Variants in PSD3 observed in about 807,000 individuals in gnomAD.
The protein encoded by PSD3 is PH and SEC7 domain-containing protein 3.
A neutral mutation model predicts 105.5 loss-of-function variants in PSD3; 49 were observed. The ratio of observed to expected loss-of-function variants is 0.46; its 90% CI spans 0.37 to 0.59. The LOEUF (loss-of-function observed/expected upper bound fraction) is 0.59. PSD3 is among the 20% of genes least tolerant of loss of function. The pLI is 0.00. For synonymous variants in PSD3, 557 were observed against 457.8 expected (o/e 1.22, Z -2.77); for missense variants, 1,561 against 1,263.8 (o/e 1.24, Z -3.57).
intron 14 of PSD3, among the ~76,000 whole-genome samples, chr8:18,564,965 C>T (rs1354283573): frequency 6.6e-6 from 1 of 152,048 alleles, no homozygotes; most frequent in African/African-American, 2.4e-5. Flanking sequence ...GGTTGGAATT[C>T]TAAGAAAAAA....
In PSD3 at chr8:18,902,697, T is replaced by A. The variant is rs531616679; in HGVS notation, c.131-29964A>T. On this transcript the variant is annotated intron_variant, in intron 2 of 15. Transcript: ENST00000327040. ...TTTGACCTTCAGTAGGGTTTTACTG[T>A]GCTGGTTGGAAAGAATGTGGTAACT... Among the ~76,000 whole-genome samples, 9 of 152,306 alleles carry A rather than the reference T, an allele frequency of 5.9e-5. No homozygotes were observed. In the South Asian group the frequency reaches 1.7e-3, roughly 28 times the overall value.
chr8:18,966,957 T>C (rs1824296511), intron 1 of PSD3, among the ~76,000 whole-genome samples: 1 of 152,114 alleles, frequency 6.6e-6, no homozygotes. Flanking sequence ...TGCTATTAAG[T>C]GTAGTTCAGG....
chr8:18,876,093 A>AT (rs1222687216), intron 2 of PSD3, among the ~76,000 whole-genome samples: 1 of 151,896 alleles, frequency 6.6e-6, no homozygotes, highest in Non-Finnish European at 1.5e-5. Flanking sequence ...TTATTTTATT[A>AT]TTTTTTACAT....
chr8:18,717,527 TA>T (rs931500268), intron 9 of PSD3, among the ~76,000 whole-genome samples: 10 of 151,236 alleles, frequency 6.6e-5, no homozygotes, highest in African/African-American at 1.9e-4. Flanking sequence ...TTGCTCCAGT[TA>T]AAAAAAAACC....
rs138652482 is a variant in PSD3 at position 18,624,879 on chromosome 8, T to C, written c.2410+7734A>G. Among the ~76,000 whole-genome samples, 1,227 of 152,162 alleles carry C rather than the reference T, an allele frequency of 8.1e-3. 16 individuals carry two copies. The highest frequency in any genetic ancestry group is 0.028 in the African/African-American group (1,163 of 41,520). ...ACATATCAATTTTTTTTTACTGTTT[T>C]TGTAAATATGTATGTATATACGTAT... On this transcript the variant is annotated intron_variant, in intron 11 of 15. Transcript: ENST00000327040.
chr8:18,979,625 T>G (rs1048739014), intron 1 of PSD3: 1 of 152,700 alleles, frequency 6.5e-6, no homozygotes, highest in Admixed American at 6.5e-5. Context: ...AATATATTCT[T>G]CTTGTTAGAG....
At chr8:18,808,983 A>C in intron 4 of PSD3, 1 of 1,355,994 alleles carries the variant, frequency 7.4e-7, no homozygotes. Context: ...TGCAGTTCTA[A>C]TAAAAACAGC....
intron 8 of PSD3, among the ~76,000 whole-genome samples, chr8:18,781,515 G>A (rs923933479): frequency 6.6e-6 from 1 of 152,128 alleles, no homozygotes; most frequent in Non-Finnish European, 1.5e-5. Context: ...TGGGGGTAGG[G>A]TTGTATAGAC....
intron 1 of PSD3, among the ~76,000 whole-genome samples, chr8:19,068,941 A>G (rs898735393): frequency 2.0e-5 from 3 of 151,916 alleles, no homozygotes; most frequent in Non-Finnish European, 4.4e-5. Flanking sequence ...AGTCCCTTCT[A>G]CCATGCCCTG....
intron 1 of PSD3, among the ~76,000 whole-genome samples, chr8:19,045,926 T>A (rs1169553108): frequency 2.0e-5 from 3 of 152,216 alleles, no homozygotes; most frequent in Non-Finnish European, 2.9e-5. Context: ...GATTCTCAAG[T>A]CATTTCTTTT....
chr8:18,788,966 C>G (rs1809446200), intron 8 of PSD3, among the ~76,000 whole-genome samples: 1 of 152,176 alleles, frequency 6.6e-6, no homozygotes, highest in Non-Finnish European at 1.5e-5. Context: ...AAAACCAGGA[C>G]TACAGTGGAT....
chr8:18,851,713 G>A (rs1261050463), intron 4 of PSD3, among the ~76,000 whole-genome samples: 2 of 152,184 alleles, frequency 1.3e-5, no homozygotes, highest in South Asian at 2.1e-4. Context: ...TGCACAGGGA[G>A]CTGGCAAGCC....
chr8:18,676,747 A>G (rs921639858), intron 9 of PSD3, among the ~76,000 whole-genome samples: 1 of 152,132 alleles, frequency 6.6e-6, no homozygotes, highest in African/African-American at 2.4e-5. Context: ...CTTGATAACA[A>G]TATCTGTGCT....
intron 9 of PSD3, among the ~76,000 whole-genome samples, chr8:18,661,088 G>C (rs932347518): frequency 2.0e-5 from 3 of 152,080 alleles, no homozygotes; most frequent in South Asian, 2.1e-4. Context: ...TTGTGTAACC[G>C]TGAGTCTCTC....
At chr8:18,547,442 C>T (rs754498808) in intron 15 of PSD3, among the ~76,000 whole-genome samples, 1 of 152,156 alleles carries the variant, frequency 6.6e-6, no homozygotes, top group Non-Finnish European at 1.5e-5. Context: ...CTTTTGCTTA[C>T]CTTTTCCCCT....
chr8:18,915,307 C>G (rs1378835359), intron 2 of PSD3, among the ~76,000 whole-genome samples: 1 of 151,950 alleles, frequency 6.6e-6, no homozygotes, highest in East Asian at 1.9e-4. Context: ...GTATATAACA[C>G]CAAAAACACA....
chr8:18,884,538 C>T (rs980525310), intron 2 of PSD3, among the ~76,000 whole-genome samples: 14 of 152,002 alleles, frequency 9.2e-5, no homozygotes, highest in African/African-American at 2.7e-4. Context: ...AAGAAAACTA[C>T]GGTATGTAAT....
chr8:18,886,388 C>A (rs1031368106), intron 2 of PSD3, among the ~76,000 whole-genome samples: 5 of 152,070 alleles, frequency 3.3e-5, no homozygotes, highest in African/African-American at 1.2e-4. Context: ...GAATGGTTGG[C>A]GCGGGCATCC....
rs1241328306 is a variant in PSD3 at position 18,533,285 on chromosome 8, T to G, written c.*2458A>C. 8 of 152,188 alleles carry G rather than the reference T, an allele frequency of 5.3e-5. No homozygotes were observed. Among genetic ancestry groups the G allele is most frequent in the African/African-American group, 1.9e-4 (8 of 41,434 alleles). 9.4% of individuals were successfully genotyped at this position (152,188 alleles called of 1,614,324 possible). Reference sequence around the variant, plus strand: ...GTGTTCTCAGCCCATGCGCTAAAGATGGACAGCATCATGCTACGGCAGTCT... The same window carrying G: ...GTGTTCTCAGCCCATGCGCTAAAGAGGGACAGCATCATGCTACGGCAGTCT... On this transcript the variant is annotated 3_prime_UTR_variant, in exon 16 of 16. Coordinates refer to ENST00000327040, the MANE Select transcript of PSD3 (RefSeq NM_015310.4).
Sources: allele counts gnomAD v4.1 joint callset (sites outside exome capture counted in the v4.1 genomes callset), GRCh38; gene constraint gnomAD v4.1.1; transcripts MANE v1.5; gene names NCBI Gene and HGNC (gene_info 2026-07-23, HGNC 2026-07-21).